The following PAX7 variants were observed in gnomAD, a reference collection of about 807,000 sequenced individuals.
The protein encoded by PAX7 is paired box 7, also known as paired box protein Pax-7.
A neutral mutation model predicts 50.7 loss-of-function variants in PAX7; 18 were observed. The observed-to-expected ratio is 0.36, with a 90% CI of 0.25 to 0.53. The LOEUF is 0.53. Ranked by LOEUF, PAX7 falls within the 20% of genes least tolerant of loss-of-function variation. PAX7 has a pLI of 0.93. For missense variants in PAX7, 644 were observed against 702.9 expected, an observed-to-expected ratio of 0.92 and a Z score of 0.95; for synonymous variants, 310 against 290.4, an observed-to-expected ratio of 1.07 and a Z score of -0.69.
Position 18,631,672 on chromosome 1 carries a change from G to C in PAX7, c.69G>C (p.Thr23=). Residue 23 remains threonine (T), a synonymous_variant, in exon 1 of 9, where the codon ACG becomes ACC. Coordinates refer to ENST00000420770, the MANE Select transcript of PAX7 (RefSeq NM_001135254.2). ...CTCCGGGGCAGAACTACCCCCGCAC[G>C]GGATTCCCTTTGGAAGGTAAGAACG... ...RPAPGQNYPR[T]GFPLEVSTPL... 1.2e-6 allele frequency: 2 copies of C among 1,612,742 alleles called. No homozygotes were observed. The highest frequency in any genetic ancestry group is 2.2e-5 in the East Asian group (1 of 44,812).
intron 4 of PAX7, among the ~76,000 whole-genome samples, chr1:18,641,865 A>G (rs2100436211): frequency 6.6e-6 from 1 of 152,232 alleles, no homozygotes; most frequent in South Asian, 2.1e-4. Context: ...TGGGTAAAAT[A>G]TGGGCGTCTC....
At chr1:18,667,283 C>T (rs1193325431) in intron 4 of PAX7, among the ~76,000 whole-genome samples, 3 of 151,340 alleles carry the variant, frequency 2.0e-5, no homozygotes, top group Non-Finnish European at 4.4e-5. Context: ...GAAAATTTTA[C>T]AAGAAGGGAA....
intron 4 of PAX7, among the ~76,000 whole-genome samples, chr1:18,684,549 G>C (rs974589269): frequency 2.6e-5 from 4 of 152,190 alleles, no homozygotes; most frequent in Non-Finnish European, 5.9e-5. Context: ...CAGTTCCCTC[G>C]GAGGAGCAGG....
chr1:18,676,803 C>T (rs1570157588), intron 4 of PAX7, among the ~76,000 whole-genome samples: 1 of 152,178 alleles, frequency 6.6e-6, no homozygotes, highest in Non-Finnish European at 1.5e-5. Context: ...GAGCCAGCCC[C>T]GCTGTATGCC....
chr1:18,730,260 G>T (rs996817127), intron 7 of PAX7, among the ~76,000 whole-genome samples: 7 of 152,286 alleles, frequency 4.6e-5, no homozygotes, highest in African/African-American at 1.7e-4. Context: ...GCTCAGAGTC[G>T]CAGTTAGTCA....
chr1:18,710,961 C>T (rs750341100), intron 7 of PAX7, among the ~76,000 whole-genome samples: 7 of 152,196 alleles, frequency 4.6e-5, no homozygotes, highest in Non-Finnish European at 8.8e-5. Context: ...GGGCTTTAAC[C>T]CCAGCTGCGC....
At chr1:18,717,418 G>A (rs1165478056) in intron 7 of PAX7, among the ~76,000 whole-genome samples, 1 of 152,164 alleles carries the variant, frequency 6.6e-6, no homozygotes, top group South Asian at 2.1e-4. Context: ...GTTCATTAGG[G>A]CCTTCTCCAC....
At chr1:18,672,934 G>A (rs1426160089) in intron 4 of PAX7, among the ~76,000 whole-genome samples, 2 of 152,078 alleles carry the variant, frequency 1.3e-5, no homozygotes, top group Non-Finnish European at 2.9e-5. Context: ...AGCCTCTATC[G>A]GGGCTATTTA....
Position 18,634,633 on chromosome 1 carries a change from A to ACTTTCCTACAGCCT in PAX7, c.321+95_321+96insCTTTCCTACAGCCT. On this transcript the variant is annotated intron_variant, in intron 2 of 8. Coordinates refer to ENST00000420770, the MANE Select transcript of PAX7 (RefSeq NM_001135254.2). The surrounding 1 kb of genome is among the most constrained non-coding windows in gnomAD (Gnocchi z 4.0). ...TTACTACCTCGTGGCACCAGGCTGT[A>ACTTTCCTACAGCCT]GGAAAGTACAGCTGGAGGGTGTCTT... 1.1e-6 allele frequency: 1 copy of ACTTTCCTACAGCCT among 934,954 alleles called. No homozygotes were observed. Among genetic ancestry groups the ACTTTCCTACAGCCT allele is most frequent in the Non-Finnish European group, 1.7e-6 (1 of 603,232 alleles). The allele number at this position is 934,954 out of a possible 1,614,324, so 57.9% of individuals were successfully genotyped here.
intron 6 of PAX7, among the ~76,000 whole-genome samples, chr1:18,701,991 A>T (rs1221707740): frequency 2.0e-5 from 3 of 151,894 alleles, no homozygotes; most frequent in Admixed American, 1.3e-4. Flanking sequence ...TCATTCTGTC[A>T]CCCCAGAAGC....
intron 5 of PAX7, among the ~76,000 whole-genome samples, chr1:18,692,316 C>T (rs1367110461): frequency 6.6e-6 from 1 of 151,100 alleles, no homozygotes; most frequent in South Asian, 2.1e-4. Flanking sequence ...CCGAGGTGGG[C>T]GGATCACATG....
At chr1:18,646,868 G>T (rs906669809) in intron 4 of PAX7, among the ~76,000 whole-genome samples, 2 of 150,240 alleles carry the variant, frequency 1.3e-5, no homozygotes, top group Admixed American at 6.6e-5. Context: ...GAAGAAAACC[G>T]GGGGGCGGCG....
At chr1:18,707,827 GGGAAGCCACCCCCCATCTAT>G (rs1182093209) in intron 7 of PAX7, among the ~76,000 whole-genome samples, 1 of 152,080 alleles carries the variant, frequency 6.6e-6, no homozygotes, top group East Asian at 1.9e-4. Flanking sequence ...AAACCATCTA[GGGAAGCCACCCCCCATCTAT>G]GGAAGCCACC....
chr1:18,649,179 G>A (rs1264199159), intron 4 of PAX7, among the ~76,000 whole-genome samples: 1 of 152,132 alleles, frequency 6.6e-6, no homozygotes, highest in Non-Finnish European at 1.5e-5. Flanking sequence ...TGGAGGGGAA[G>A]GCCACTCTGG....
rs1260829684 is a variant in PAX7, at chr1:18,746,003, C to G, written c.*1074C>G. 1.7e-5 allele frequency: 4 copies of G among 230,940 alleles called. No homozygotes were observed. The highest frequency in any genetic ancestry group is 8.8e-5 in the African/African-American group (4 of 45,200). 14.3% of individuals were successfully genotyped at this position (230,940 alleles called of 1,614,324 possible). Reference sequence around the variant, plus strand: ...TTTGCCCAAAGCCTTCCGCAGAGGCCCGAGCCCATCCTTACCATGCCCCAT... The same window carrying G: ...TTTGCCCAAAGCCTTCCGCAGAGGCGCGAGCCCATCCTTACCATGCCCCAT... On this transcript the variant is annotated 3_prime_UTR_variant, in exon 9 of 9. Transcript: ENST00000420770.
chr1:18,680,939 G>C (rs1032360066), intron 4 of PAX7, among the ~76,000 whole-genome samples: 4 of 151,968 alleles, frequency 2.6e-5, no homozygotes, highest in African/African-American at 9.7e-5. Context: ...AGGCTAAGGT[G>C]GGCAGATCAC....
intron 8 of PAX7, among the ~76,000 whole-genome samples, chr1:18,739,584 G>A (rs1931010478): frequency 6.6e-6 from 1 of 152,196 alleles, no homozygotes; most frequent in African/African-American, 2.4e-5. Flanking sequence ...GTTTATGCAA[G>A]GTCACCCGGC....
In PAX7 at chr1:18,747,389, T is replaced by G. The variant is rs1931487014; in HGVS notation, c.*2460T>G. On this transcript the variant is annotated 3_prime_UTR_variant, in exon 9 of 9. Transcript: ENST00000420770. ...CCATCATCTTGGTAGAAAATGGGAC[T>G]TATTCCTTGACAGGCCCCACCCCCT... The G allele has an allele frequency of 4.4e-6, 1 of 227,944 alleles. No homozygotes were observed. Among genetic ancestry groups the G allele is most frequent in the African/African-American group, 2.2e-5 (1 of 45,030 alleles). The allele number at this position is 227,944 out of a possible 1,614,324, so 14.1% of individuals were successfully genotyped here. A position where few individuals can be genotyped will look rare whatever the true frequency, so the allele number is the denominator to read the frequency against.
chr1:18,726,022 G>A lies in PAX7; in HGVS notation c.1156-9610G>A, dbSNP rs1441620015. Reference sequence around the variant, plus strand: ...CGCGCGCGCGTGCGCGCGTGTGTGTGCGTGTGTTTGTGTGTGTGTGTGTCT... The same window carrying A: ...CGCGCGCGCGTGCGCGCGTGTGTGTACGTGTGTTTGTGTGTGTGTGTGTCT... On this transcript the variant is annotated intron_variant, in intron 7 of 8. Coordinates refer to ENST00000420770, the MANE Select transcript of PAX7 (RefSeq NM_001135254.2). This position sits in a 1 kb window ranked among gnomAD's most constrained non-coding sequence, Gnocchi z 4.8. 6.6e-6 allele frequency among the ~76,000 whole-genome samples: 1 copy of A among 151,390 alleles called. No individual in the cohort carries two copies. Among genetic ancestry groups the A allele is most frequent in the Non-Finnish European group, 1.5e-5 (1 of 67,624 alleles).
Sources: allele counts gnomAD v4.1 joint callset (sites outside exome capture counted in the v4.1 genomes callset), GRCh38; gene constraint gnomAD v4.1.1; non-coding constraint Gnocchi (gnomAD v3.1); transcripts MANE v1.5; gene names NCBI Gene and HGNC (gene_info 2026-07-23, HGNC 2026-07-21).